TMEM131: variants seen among roughly 807,000 people sequenced by gnomAD.
The protein encoded by TMEM131 is 2610524E03Rik.
In TMEM131, 66 loss-of-function variants were observed where a neutral mutation model predicts 211.6. That is an observed-to-expected ratio of 0.31 (90% CI 0.26 to 0.38). The LOEUF (loss-of-function observed/expected upper bound fraction) is 0.38, where lower values mean the gene tolerates loss of function less well. Ranked by LOEUF, TMEM131 falls within the 10% of genes least tolerant of loss-of-function variation. TMEM131 has a pLI of 1.00. For missense variants in TMEM131, 2,036 were observed against 2,299.3 expected, an observed-to-expected ratio of 0.89 and a Z score of 2.34; for synonymous variants, 844 against 841.3, an observed-to-expected ratio of 1.00 and a Z score of -0.06.
intron 1 of TMEM131, among the ~76,000 whole-genome samples, chr2:97,965,233 C>A (rs1014256128): frequency 6.6e-6 from 1 of 152,168 alleles, no homozygotes; most frequent in African/African-American, 2.4e-5. Flanking sequence ...CAGAAACCGC[C>A]ACTGCTATAT....
chr2:97,893,837 C>T (rs1352522153), intron 3 of TMEM131, among the ~76,000 whole-genome samples: 2 of 152,144 alleles, frequency 1.3e-5, no homozygotes, highest in African/African-American at 4.8e-5. Flanking sequence ...TGCCTGTTCA[C>T]TCTGATGATA....
intron 31 of TMEM131, among the ~76,000 whole-genome samples, chr2:97,787,617 G>GT (rs1559358632): frequency 6.6e-6 from 1 of 152,094 alleles, no homozygotes; most frequent in Non-Finnish European, 1.5e-5. Flanking sequence ...ACTCTCAAAG[G>GT]TTTTTTTCCC....
At chr2:97,934,680 C>G (rs1413109361) in intron 1 of TMEM131, among the ~76,000 whole-genome samples, 1 of 152,162 alleles carries the variant, frequency 6.6e-6, no homozygotes, top group African/African-American at 2.4e-5. Context: ...AAATCACTTG[C>G]AGAGAGTAGA....
intron 5 of TMEM131, among the ~76,000 whole-genome samples, chr2:97,846,880 T>G (rs1454088832): frequency 1.3e-5 from 2 of 152,068 alleles, no homozygotes; most frequent in African/African-American, 4.8e-5. Flanking sequence ...TATCTAACAC[T>G]GTATTGGACG....
At chr2:97,794,564 G>A (rs914075814) in intron 29 of TMEM131, among the ~76,000 whole-genome samples, 1 of 152,174 alleles carries the variant, frequency 6.6e-6, no homozygotes, top group African/African-American at 2.4e-5. Context: ...ATTGAGAACA[G>A]ATGAAGACAC....
intron 40 of TMEM131, 48 bp from the exon 41 acceptor site, chr2:97,757,431 G>A (rs1214367071): frequency 3.3e-6 from 5 of 1,533,062 alleles, no homozygotes; most frequent in Non-Finnish European, 4.4e-6. Flanking sequence ...CAGGCAGAGG[G>A]TCAAGTGGGT....
chr2:97,901,799 A>G (rs565951562), intron 3 of TMEM131, among the ~76,000 whole-genome samples: 32 of 152,256 alleles, frequency 2.1e-4, no homozygotes, highest in African/African-American at 7.5e-4. Context: ...TTTTGGTGTG[A>G]GAGGGAGGAT....
At chr2:97,967,413 C>G (rs1679105933) in intron 1 of TMEM131, among the ~76,000 whole-genome samples, 1 of 151,424 alleles carries the variant, frequency 6.6e-6, no homozygotes, top group African/African-American at 2.4e-5. Context: ...GGAAGTGTAA[C>G]ATAAAACAGT....
chr2:97,911,669 G>A (rs1247582802), intron 2 of TMEM131: 1 of 985,032 alleles, frequency 1.0e-6, no homozygotes, highest in African/African-American at 1.7e-5. Flanking sequence ...CAATGCAAAG[G>A]ATCTGTGGAA....
intron 40 of TMEM131, among the ~76,000 whole-genome samples, chr2:97,758,356 A>G (rs1195341891): frequency 6.6e-6 from 1 of 152,232 alleles, no homozygotes; most frequent in African/African-American, 2.4e-5. Context: ...ACCACTAATT[A>G]TTTTCCTTGG....
intron 4 of TMEM131, among the ~76,000 whole-genome samples, chr2:97,865,691 C>T (rs2105201685): frequency 6.6e-6 from 1 of 152,148 alleles, no homozygotes; most frequent in Middle Eastern, 3.4e-3. Flanking sequence ...AAGTATTTGT[C>T]TATATTTTCT....
chr2:97,800,628 C>T (rs979624440), intron 25 of TMEM131, among the ~76,000 whole-genome samples: 4 of 146,396 alleles, frequency 2.7e-5, no homozygotes, highest in African/African-American at 1.0e-4. Context: ...TGTGGTGGCA[C>T]GTGCCTGTAA....
chr2:97,775,128 G>T (rs1679655247), intron 32 of TMEM131, among the ~76,000 whole-genome samples: 1 of 152,114 alleles, frequency 6.6e-6, no homozygotes, highest in South Asian at 2.1e-4. Context: ...CGCCAGAGTG[G>T]AATTATTACC....
At chr2:97,977,380 T>C (rs1375324584) in intron 1 of TMEM131, among the ~76,000 whole-genome samples, 3 of 152,152 alleles carry the variant, frequency 2.0e-5, no homozygotes, top group Admixed American at 6.5e-5. Context: ...AAATGAGATA[T>C]ATGGATGGCA....
chr2:97,827,317 T>C (rs1682447840), intron 11 of TMEM131: 2 of 789,902 alleles, frequency 2.5e-6, no homozygotes, highest in Non-Finnish European at 4.7e-6. Context: ...ATCGGCGCGG[T>C]TGTCAGCTAA....
chr2:97,898,819 G>C (rs570831817), intron 3 of TMEM131, among the ~76,000 whole-genome samples: 29 of 151,864 alleles, frequency 1.9e-4, no homozygotes, highest in African/African-American at 7.0e-4. Flanking sequence ...AAAAGCTTCT[G>C]GTTTAATTTC....
intron 31 of TMEM131, among the ~76,000 whole-genome samples, chr2:97,776,409 G>A (rs1281141720): frequency 6.6e-6 from 1 of 152,122 alleles, no homozygotes; most frequent in East Asian, 1.9e-4. Context: ...TACAACTTTT[G>A]TTGGAAGAGG....
intron 1 of TMEM131, among the ~76,000 whole-genome samples, chr2:97,939,567 C>G (rs899856134): frequency 2.6e-5 from 4 of 152,146 alleles, no homozygotes; most frequent in Non-Finnish European, 2.9e-5. Context: ...CAGGACCAGA[C>G]AGATTCACAG....
chr2:97,776,268 A>G (rs1679725534), intron 31 of TMEM131, among the ~76,000 whole-genome samples: 1 of 151,864 alleles, frequency 6.6e-6, no homozygotes, highest in South Asian at 2.1e-4. Flanking sequence ...GTTAGCCAGG[A>G]TGGTCTCAAT....
Sources: allele counts gnomAD v4.1 joint callset (sites outside exome capture counted in the v4.1 genomes callset), GRCh38; gene constraint gnomAD v4.1.1; transcripts MANE v1.5; gene names NCBI Gene and HGNC (gene_info 2026-07-23, HGNC 2026-07-21).